Variants in DIPK1A observed in about 807,000 individuals in gnomAD.
DIPK1A encodes the protein divergent protein kinase domain 1A, also known as family with sequence similarity 69 member A.
Under a neutral mutation model 40.8 loss-of-function variants are expected in DIPK1A, and 27 were observed. The ratio of observed to expected loss-of-function variants is 0.66; its 90% CI spans 0.49 to 0.91. DIPK1A has a LOEUF of 0.91. DIPK1A is among the 40% of genes least tolerant of loss of function. The pLI, the probability that DIPK1A is intolerant of heterozygous loss-of-function variation, is 0.00. For synonymous variants in DIPK1A, 166 were observed against 171.3 expected (o/e 0.97, Z 0.24); for missense variants, 412 against 505.7 (o/e 0.81, Z 1.78).
At chr1:92,889,094 TAA>T (rs1464954961) in intron 1 of DIPK1A, among the ~76,000 whole-genome samples, 2 of 152,238 alleles carry the variant, frequency 1.3e-5, no homozygotes, top group East Asian at 1.9e-4. Flanking sequence ...ACTACTGTCA[TAA>T]AGTGTTTCCC....
chr1:92,888,545 G>A (rs1381662512), intron 1 of DIPK1A, among the ~76,000 whole-genome samples: 1 of 152,094 alleles, frequency 6.6e-6, no homozygotes, highest in Non-Finnish European at 1.5e-5. Context: ...TGGAATATAT[G>A]CCCAGTAGTG....
chr1:92,857,693 C>G (rs187780394), intron 2 of DIPK1A, among the ~76,000 whole-genome samples: 9 of 152,206 alleles, frequency 5.9e-5, no homozygotes, highest in Admixed American at 3.9e-4. Flanking sequence ...TTCTCAAAAT[C>G]TCCCTATGGA....
chr1:92,881,918 T>C (rs1204271351), intron 1 of DIPK1A, among the ~76,000 whole-genome samples: 1 of 152,226 alleles, frequency 6.6e-6, no homozygotes, highest in Non-Finnish European at 1.5e-5. Flanking sequence ...AAAAACTATT[T>C]GTATATATGT....
chr1:92,847,293 G>T lies in DIPK1A; in HGVS notation c.364C>A (p.Leu122Ile), dbSNP rs763506305. The part of the protein sequence containing the change: ...VKCQMEQALH[L>I]DFGTELEPRK... The stretch of plus-strand genomic sequence containing the variant: ...GGTTCCAATTCAGTTCCAAAATCAA[G>T]ATGAAGCGCTTGTTCCATTTGACAT... The change falls in exon 4 of 5, where the codon CTT becomes ATT. Residue 122 changes from leucine to isoleucine, a missense_variant. Leu to Ile is a conservative substitution (Grantham distance 5). Transcript: ENST00000370310. The T allele has an allele frequency of 6.8e-6, 11 of 1,612,368 alleles. No individual in the cohort carries two copies. In the Admixed American group the frequency reaches 1.8e-4, roughly 27 times the overall value.
chr1:92,938,624 T>C (rs1384469950), intron 1 of DIPK1A, among the ~76,000 whole-genome samples: 3 of 152,268 alleles, frequency 2.0e-5, no homozygotes, highest in South Asian at 2.1e-4. Flanking sequence ...AAAGCCATAA[T>C]GTATTTTTGG....
At position 92,843,432 on chromosome 1, in the gene DIPK1A, T is replaced by C; in HGVS notation, c.1238A>G (p.Asn413Ser). ...MEMEHSLILNNLKTLLWKKIS... is the reference protein window; with the variant it reads ...MEMEHSLILNSLKTLLWKKIS... ...TTTCTTCCACAATAATGTTTTTAGG[T>C]TATTTAGTATCAAAGAATGTTCCAT... The change falls in exon 5 of 5, where the codon AAC (asparagine) becomes AGC (serine). Residue 413 changes from asparagine to serine, a missense_variant. Asn to Ser is a conservative substitution (Grantham distance 46). Coordinates refer to ENST00000370310, the MANE Select transcript of DIPK1A (RefSeq NM_001006605.5). 1 of 1,550,180 alleles carries C rather than the reference T, an allele frequency of 6.5e-7. No individual in the cohort carries two copies. Among genetic ancestry groups the C allele is most frequent in the Non-Finnish European group, 8.7e-7 (1 of 1,146,456 alleles).
chr1:92,921,769 A>C (rs1329752597), intron 1 of DIPK1A, among the ~76,000 whole-genome samples: 1 of 152,200 alleles, frequency 6.6e-6, no homozygotes, highest in Non-Finnish European at 1.5e-5. Context: ...AGTGAAAGCA[A>C]GTCATCTATA....
intron 1 of DIPK1A, among the ~76,000 whole-genome samples, chr1:92,881,343 A>G (rs992086647): frequency 4.0e-5 from 6 of 150,842 alleles, no homozygotes; most frequent in South Asian, 2.1e-4. Flanking sequence ...AAAAAAAAAA[A>G]AAAAGGCATT....
At chr1:92,925,723 G>T (rs4281329) in intron 1 of DIPK1A, among the ~76,000 whole-genome samples, 150,249 of 152,190 alleles carry the variant, frequency 0.99, 74,187 homozygotes, top group Non-Finnish European at 1. Flanking sequence ...CTTGAACTTC[G>T]GACCTTGTGA....
In DIPK1A at chr1:92,842,571, T is replaced by C. The variant is rs1264562495; in HGVS notation, c.*812A>G. On this transcript the variant is annotated 3_prime_UTR_variant, in exon 5 of 5. Coordinates refer to ENST00000370310, the MANE Select transcript of DIPK1A (RefSeq NM_001006605.5). Reference sequence around the variant, plus strand: ...TATACTGTTTGAAAATGGAAAGTTATTACTAAAAAGTCTGCTATAATTTAT... The same window carrying C: ...TATACTGTTTGAAAATGGAAAGTTACTACTAAAAAGTCTGCTATAATTTAT... 38 of 984,286 alleles carry C rather than the reference T, an allele frequency of 3.9e-5. No individual in the cohort carries two copies. The highest frequency in any genetic ancestry group is 4.5e-5 in the Non-Finnish European group (37 of 829,604). 61.0% of individuals were successfully genotyped at this position (984,286 alleles called of 1,614,324 possible). A position where few individuals can be genotyped will look rare whatever the true frequency, so the allele number is the denominator to read the frequency against.
chr1:92,834,902 C>G lies in DIPK1A; in HGVS notation c.475-1868G>C. The G allele has an allele frequency of 6.2e-7, 1 of 1,601,678 alleles. No homozygotes were observed. Among genetic ancestry groups the G allele is most frequent in the South Asian group, 1.1e-5 (1 of 91,088 alleles). ...TGCAGCATATTGTACTGGCCTGCTG[C>G]TGGCCCGCAGGGTATGTACAAGATG... is the stretch of plus-strand genomic sequence containing the variant. On this transcript the variant is annotated intron_variant, in intron 4 of 4. Coordinates refer to the DIPK1A transcript ENST00000615519.
chr1:92,910,093 A>C (rs1441583119), intron 1 of DIPK1A, among the ~76,000 whole-genome samples: 2 of 152,214 alleles, frequency 1.3e-5, no homozygotes, highest in Non-Finnish European at 2.9e-5. Flanking sequence ...CCGAGCAAGT[A>C]AAACCTTCAG....
downstream of DIPK1A, chr1:92,837,536 A>C: frequency 1.2e-6 from 2 of 1,612,228 alleles, no homozygotes; most frequent in South Asian, 2.2e-5. Flanking sequence ...ATGGGCCAGA[A>C]TGTTGCAGAT....
chr1:92,834,147 C>G (rs1053721872), intron 4 of DIPK1A, among the ~76,000 whole-genome samples: 3 of 152,128 alleles, frequency 2.0e-5, no homozygotes, highest in Admixed American at 6.5e-5. Context: ...GAAGTTCTTG[C>G]CCATCCCAAT....
chr1:92,856,771 CAAGAT>C (rs1470996337), intron 2 of DIPK1A, among the ~76,000 whole-genome samples: 3 of 152,034 alleles, frequency 2.0e-5, no homozygotes, highest in African/African-American at 7.2e-5. Flanking sequence ...AGAGAAAAGA[CAAGAT>C]AAGACAAGAT....
Position 92,934,508 on chromosome 1 carries a change from A to G in DIPK1A, c.54+26868T>C, listed in dbSNP as rs554775185. Among the ~76,000 whole-genome samples, 47 of 152,308 alleles carry G rather than the reference A, an allele frequency of 3.1e-4. 1 individual carries two copies. The South Asian group carries it at 4.6e-3, about 15-fold the overall frequency. ...TATGCATGAGAAAAGCTAAAATGAC[A>G]AATCTGGATATGTATATCAGAAGTT... On this transcript the variant is annotated intron_variant, in intron 1 of 4. Transcript: ENST00000370310.
At chr1:92,936,064 C>T (rs1650933148) in intron 1 of DIPK1A, among the ~76,000 whole-genome samples, 2 of 151,928 alleles carry the variant, frequency 1.3e-5, no homozygotes, top group South Asian at 4.2e-4. Flanking sequence ...CCAGCCTGGG[C>T]GACAGAGAGA....
rs143429222 is a variant in DIPK1A, at chr1:92,919,615, T to C, written c.54+41761A>G. Among the ~76,000 whole-genome samples, 519 of 152,374 alleles carry C rather than the reference T, an allele frequency of 3.4e-3. 3 individuals carry two copies. Among genetic ancestry groups the C allele is most frequent in the African/African-American group, 0.012 (489 of 41,586 alleles). The stretch of plus-strand genomic sequence containing the variant: ...TATATCTGGAACACACTTTGATTAT[T>C]ACTCTGAGTATACTATGCTATAATT... On this transcript the variant is annotated intron_variant, in intron 1 of 4. Coordinates refer to ENST00000370310, the MANE Select transcript of DIPK1A (RefSeq NM_001006605.5).
At chr1:92,897,097 C>G (rs1415023831) in intron 1 of DIPK1A, among the ~76,000 whole-genome samples, 2 of 151,978 alleles carry the variant, frequency 1.3e-5, no homozygotes, top group African/African-American at 4.8e-5. Context: ...GTCAGTGTGG[C>G]GATTCCTCAG....
Sources: allele counts gnomAD v4.1 joint callset (sites outside exome capture counted in the v4.1 genomes callset), GRCh38; gene constraint gnomAD v4.1.1; transcripts MANE v1.5; gene names NCBI Gene and HGNC (gene_info 2026-07-23, HGNC 2026-07-21).